Variants in NPHP4 observed in about 807,000 individuals in gnomAD.
The protein encoded by NPHP4 is nephrocystin 4, also known as nephrocystin-4.
NPHP4 carries 151 observed loss-of-function variants against 155.8 expected under a neutral mutation model. The observed-to-expected ratio is 0.97, with a 90% confidence interval of 0.85 to 1.11. The LOEUF (loss-of-function observed/expected upper bound fraction) is 1.11. Among genes scored for constraint, NPHP4 ranks in the 50% least tolerant of loss-of-function variants. The pLI, the probability that NPHP4 is intolerant of heterozygous loss-of-function variation, is 0.00. For synonymous variants in NPHP4, 845 were observed against 816.8 expected, an observed-to-expected ratio of 1.03 and a Z score of -0.59; for missense variants, 1,956 against 1,925.7, an observed-to-expected ratio of 1.02 and a Z score of -0.29.
At chr1:5,881,551 C>T (rs1294778134) in intron 18 of NPHP4, 1 of 152,160 alleles carries the variant, frequency 6.6e-6, no homozygotes, top group Non-Finnish European at 1.5e-5. Context: ...GCAGACCAGC[C>T]CCCAAAAAGG....
chr1:5,958,109 A>G (rs1327205799), intron 6 of NPHP4, among the ~76,000 whole-genome samples: 1 of 152,280 alleles, frequency 6.6e-6, no homozygotes, highest in Non-Finnish European at 1.5e-5. Flanking sequence ...ACGGAGTTAG[A>G]CTAGAAGGGA....
intron 2 of NPHP4, among the ~76,000 whole-genome samples, chr1:5,981,809 T>A (rs1287522549): frequency 6.6e-6 from 1 of 152,202 alleles, no homozygotes; most frequent in African/African-American, 2.4e-5. Context: ...TAATACCCCA[T>A]CTTTTATACA....
Position 5,865,143 on chromosome 1 carries a change from T to G in NPHP4, c.3775A>C (p.Arg1259=), listed in dbSNP as rs1388096161. The G allele has an allele frequency of 6.2e-7, 1 of 1,613,698 alleles. No homozygotes were observed. Residue 1259 remains arginine (R), a synonymous_variant, in exon 27 of 30, where the codon AGG becomes CGG. Transcript: ENST00000378156. Reference sequence around the variant, plus strand: ...TGAGAGGTGAAAGCTCTCACTTTCCTCACTGTCTGTGTCCCCCGAAGGACA... The same window carrying G: ...TGAGAGGTGAAAGCTCTCACTTTCCGCACTGTCTGTGTCCCCCGAAGGACA... ...SLVLRGTQTV[R]KVRAFTSHPQ...
At chr1:5,949,928 G>C (rs1201623186) in intron 7 of NPHP4, among the ~76,000 whole-genome samples, 1 of 152,144 alleles carries the variant, frequency 6.6e-6, no homozygotes, top group Non-Finnish European at 1.5e-5. Context: ...GTGCATCTTG[G>C]AGGACCAGGA....
At chr1:5,880,083 C>A in intron 19 of NPHP4, 31 bp downstream of exon 19, 1 of 1,612,350 alleles carries the variant, frequency 6.2e-7, no homozygotes, top group South Asian at 1.1e-5. Flanking sequence ...TCACGACCCA[C>A]CCACACATGG....
intron 27 of NPHP4, 196 bp downstream of exon 27, chr1:5,864,906 T>C (rs960897068): frequency 5.1e-6 from 3 of 591,926 alleles, no homozygotes; most frequent in Non-Finnish European, 9.1e-6. Flanking sequence ...GGGGTTGGTG[T>C]GTACGTCACT....
rs2100734173 is a variant in NPHP4, at chr1:5,880,133, G to A, written c.2592C>T (p.Leu864=). Residue 864 remains leucine (L), a synonymous_variant, in exon 19 of 30, where the codon CTC becomes CTT. Coordinates refer to ENST00000378156, the MANE Select transcript of NPHP4 (RefSeq NM_015102.5). ...ACTCACGCCTTGAGCTTCCAGTCGT[G>A]AGGAGGCTGCCTCCAGAGAAGCGGC... The part of the protein sequence containing the change: ...GASRFSGGSL[L]TTGSSRRKHV... 1 of 1,613,682 alleles carries A rather than the reference G, an allele frequency of 6.2e-7. No homozygotes were observed. The highest frequency in any genetic ancestry group is 1.6e-4 in the Middle Eastern group (1 of 6,062).
intron 3 of NPHP4, among the ~76,000 whole-genome samples, chr1:5,973,860 T>C (rs1653031565): frequency 6.6e-6 from 1 of 152,168 alleles, no homozygotes; most frequent in Admixed American, 6.5e-5. Context: ...AGGGCCCGAG[T>C]TGGCCTCCTA....
intron 6 of NPHP4, among the ~76,000 whole-genome samples, chr1:5,960,242 G>A (rs1306769493): frequency 6.6e-6 from 1 of 152,126 alleles, no homozygotes. Flanking sequence ...GCGACCCCAC[G>A]CTTGCTCTTG....
At position 5,986,158 on chromosome 1, in the gene NPHP4, C is replaced by A; in HGVS notation, c.132G>T (p.Arg44Ser). ...TGCTAACAGCACATTTTGTTACCTGCCTAATTACCGGTCCGTCCAGCCACT... is the reference window on the plus strand; with the variant it reads ...TGCTAACAGCACATTTTGTTACCTGACTAATTACCGGTCCGTCCAGCCACT... ...VLKWLDGPVIRQGVLEVLSEV... is the reference protein window; with the variant it reads ...VLKWLDGPVISQGVLEVLSEV... The change falls in exon 2 of 30, where the codon AGG becomes AGT. Residue 44 changes from arginine (R) to serine (S), a missense_variant. By Grantham distance (110) the Arg-to-Ser change is moderately radical (BLOSUM62 -1). Transcript: ENST00000378156. The A allele has an allele frequency of 4.3e-6, 7 of 1,613,824 alleles. No homozygotes were observed. Among genetic ancestry groups the A allele is most frequent in the Non-Finnish European group, 5.9e-6 (7 of 1,179,832 alleles).
At chr1:5,946,998 T>C in intron 9 of NPHP4, 106 bp downstream of exon 9, 2 of 1,156,000 alleles carry the variant, frequency 1.7e-6, no homozygotes, top group Non-Finnish European at 2.6e-6. Context: ...TTATTTATAA[T>C]AATCATGCCT....
intron 16 of NPHP4, among the ~76,000 whole-genome samples, chr1:5,904,081 G>A (rs890495115): frequency 1.3e-5 from 2 of 152,278 alleles, no homozygotes; most frequent in Admixed American, 6.5e-5. Context: ...TGGGGTGGAC[G>A]CTCTACAGTA....
At chr1:5,873,935 A>G in intron 22 of NPHP4, 1 of 204,476 alleles carries the variant, frequency 4.9e-6, no homozygotes. Flanking sequence ...CCTCACACAC[A>G]CCCTGCATAC....
chr1:5,946,496 T>C (rs906408517), intron 9 of NPHP4, among the ~76,000 whole-genome samples: 2 of 152,240 alleles, frequency 1.3e-5, no homozygotes, highest in Non-Finnish European at 2.9e-5. Flanking sequence ...AACGCTATTA[T>C]GATACATGAA....
intron 5 of NPHP4, among the ~76,000 whole-genome samples, chr1:5,963,689 CTTTTT>C (rs57131022): frequency 8.1e-6 from 1 of 122,908 alleles, no homozygotes; most frequent in African/African-American, 3.0e-5. Context: ...CTTTTCTTTT[CTTTTT>C]TTTTTTTTTT....
At chr1:5,879,083 A>ATAC in intron 19 of NPHP4, among the ~76,000 whole-genome samples, 1 of 152,336 alleles carries the variant, frequency 6.6e-6, no homozygotes. Flanking sequence ...CAGGGAGAAC[A>ATAC]TACAAGTTTA....
chr1:5,917,811 G>A (rs1645551974), intron 11 of NPHP4, among the ~76,000 whole-genome samples: 1 of 152,064 alleles, frequency 6.6e-6, no homozygotes, highest in South Asian at 2.1e-4. Context: ...CTTGTGACTT[G>A]GGAGGCCACG....
chr1:5,913,898 A>G (rs532430322), intron 11 of NPHP4, among the ~76,000 whole-genome samples: 1 of 152,336 alleles, frequency 6.6e-6, no homozygotes, highest in East Asian at 1.9e-4. Context: ...ATTGTTACCC[A>G]GAGTAATAAT....
chr1:5,937,593 G>A lies in NPHP4; in HGVS notation c.1120-4264C>T, dbSNP rs1236922278. On this transcript the variant is annotated intron_variant, in intron 9 of 29. Transcript: ENST00000378156. ...CCAGGAACTGGGAATGCACAGTGAA[G>A]GGGATGGCGGCCGTTCTCTGGGTAA... Among the ~76,000 whole-genome samples the A allele has an allele frequency of 3.3e-5, 5 of 152,280 alleles. No individual in the cohort carries two copies. In the South Asian group the frequency reaches 1.0e-3, roughly 32 times the overall value.
Sources: allele counts gnomAD v4.1 joint callset (sites outside exome capture counted in the v4.1 genomes callset), GRCh38; gene constraint gnomAD v4.1.1; transcripts MANE v1.5; gene names NCBI Gene and HGNC (gene_info 2026-07-23, HGNC 2026-07-21).